HOOK1: variants seen among roughly 807,000 people sequenced by gnomAD.
The protein encoded by HOOK1 is protein Hook homolog 1.
In HOOK1, 60 loss-of-function variants were observed where a neutral mutation model predicts 112.8. The ratio of observed to expected loss-of-function variants is 0.53; its 90% confidence interval spans 0.43 to 0.66. The LOEUF is 0.66. Ranked by LOEUF, HOOK1 falls within the 30% of genes least tolerant of loss-of-function variation. The pLI is 0.00. For synonymous variants in HOOK1, 294 were observed against 283.8 expected, an observed-to-expected ratio of 1.04 and a Z score of -0.36; for missense variants, 770 against 856.0, an observed-to-expected ratio of 0.90 and a Z score of 1.25.
intron 9 of HOOK1, among the ~76,000 whole-genome samples, chr1:59,844,902 T>C (rs186724983): frequency 3.7e-4 from 56 of 152,082 alleles, no homozygotes; most frequent in African/African-American, 1.3e-3. Context: ...AACTTTGATC[T>C]TACACCTTGA....
At chr1:59,859,939 T>C (rs1007525971) in intron 14 of HOOK1, among the ~76,000 whole-genome samples, 6 of 152,120 alleles carry the variant, frequency 3.9e-5, no homozygotes, top group Admixed American at 3.9e-4. Context: ...TAATCTTATA[T>C]GGTACCTATA....
rs2098398196 is a variant in HOOK1 at position 59,837,025 on chromosome 1, T to C, written c.537+90T>C. On this transcript the variant is annotated intron_variant, in intron 7 of 21. Coordinates refer to ENST00000371208, the MANE Select transcript of HOOK1 (RefSeq NM_015888.6). ...TCATAAGGCTTACAAAGAGAGCATA[T>C]ACAATAATATTTTCTTCTGTGAAAT... The C allele has an allele frequency of 4.0e-6, 3 of 754,888 alleles. No individual in the cohort carries two copies. In the South Asian group the frequency reaches 5.9e-5, roughly 15 times the overall value. 46.8% of individuals were successfully genotyped at this position (754,888 alleles called of 1,614,324 possible). A position where few individuals can be genotyped will look rare whatever the true frequency, so the allele number is the denominator to read the frequency against.
intron 9 of HOOK1, among the ~76,000 whole-genome samples, chr1:59,845,484 A>G (rs138861910): frequency 1.1e-4 from 17 of 152,036 alleles, no homozygotes; most frequent in African/African-American, 3.9e-4. Context: ...GGATCCGTCA[A>G]GTATGATGCT....
At position 59,872,841 on chromosome 1, in the gene HOOK1, G is replaced by GC. The variant is rs1187960734; in HGVS notation, c.2064dup (p.Gly689ArgfsTer6). On this transcript the variant is annotated frameshift_variant, in exon 22 of 22. Coordinates refer to ENST00000371208, the MANE Select transcript of HOOK1 (RefSeq NM_015888.6). LOFTEE classifies it high-confidence loss of function. Reference sequence around the variant, plus strand: ...GGGATGGAATCTAGACTTGTGAGCGGCGGTGGTGCCTGCAGTGACACTGGT... The same window carrying GC: ...GGGATGGAATCTAGACTTGTGAGCGGCCGGTGGTGCCTGCAGTGACACTGGT... The GC allele has an allele frequency of 6.7e-7, 1 of 1,484,418 alleles. No individual in the cohort carries two copies. The highest frequency in any genetic ancestry group is 9.1e-7 in the Non-Finnish European group (1 of 1,104,178). The allele number at this position is 1,484,418 out of a possible 1,614,324, so 92.0% of individuals were successfully genotyped here.
intron 9 of HOOK1, among the ~76,000 whole-genome samples, chr1:59,846,773 A>G (rs2098404301): frequency 6.6e-6 from 1 of 150,978 alleles, no homozygotes; most frequent in Non-Finnish European, 1.5e-5. Flanking sequence ...CTTGTGGGTT[A>G]TTTAGGAATG....
chr1:59,848,203 ACTTTT>A (rs1427852862), intron 10 of HOOK1, 107 bp from the exon 11 acceptor site: 1 of 735,390 alleles, frequency 1.4e-6, no homozygotes, highest in Admixed American at 3.0e-5. Flanking sequence ...ACTCACATTT[ACTTTT>A]CTTTTTTCTT....
intron 2 of HOOK1, among the ~76,000 whole-genome samples, chr1:59,824,114 A>G (rs2102007972): frequency 6.6e-6 from 1 of 152,082 alleles, no homozygotes; most frequent in South Asian, 2.1e-4. Context: ...TAAAGCATAC[A>G]TTTTTCCTTA....
chr1:59,859,090 AT>A lies in HOOK1; in HGVS notation c.1391+52del, dbSNP rs768420402. On this transcript the variant is annotated intron_variant, in intron 14 of 21. Transcript: ENST00000371208. ...TGATAGAATTATATTTAATATTATA[AT>A]TTTTTTGTTTTTTGTAAATGTCTTG... The A allele has an allele frequency of 2.9e-5, 28 of 972,700 alleles. 1 individual carries two copies. In the Admixed American group the frequency reaches 5.8e-4, roughly 20 times the overall value. The allele number at this position is 972,700 out of a possible 1,614,324, so 60.3% of individuals were successfully genotyped here.
rs1420812119 is a variant in HOOK1 at position 59,843,585 on chromosome 1, G to A, written c.775G>A (p.Glu259Lys). The stretch of plus-strand genomic sequence containing the variant: ...ACAATTACAACTAGAACAATTACAG[G>A]AAGAAAACTTCAGGTAGCATTTTTA... Reference protein sequence around the residue: ...HAQLQLEQLQEENFRLEAAKD... With the variant: ...HAQLQLEQLQKENFRLEAAKD... The change falls in exon 9 of 22, where the codon GAA (glutamate) becomes AAA (lysine). Residue 259 changes from glutamate to lysine, a missense_variant. By Grantham distance (56) the Glu-to-Lys change is moderately conservative. Transcript: ENST00000371208. The A allele has an allele frequency of 6.3e-7, 1 of 1,596,086 alleles. No individual in the cohort carries two copies. Among genetic ancestry groups the A allele is most frequent in the Non-Finnish European group, 8.5e-7 (1 of 1,172,778 alleles).
intron 2 of HOOK1, among the ~76,000 whole-genome samples, chr1:59,827,043 G>A (rs914665825): frequency 6.6e-6 from 1 of 152,278 alleles, no homozygotes; most frequent in Non-Finnish European, 1.5e-5. Context: ...GGGATTACAG[G>A]CATGAGCCAT....
At chr1:59,845,838 T>A (rs1169494900) in intron 9 of HOOK1, among the ~76,000 whole-genome samples, 2 of 151,926 alleles carry the variant, frequency 1.3e-5, no homozygotes, top group African/African-American at 4.8e-5. Flanking sequence ...TCTTGTAATG[T>A]CTTGTTCAGG....
rs867001721 is a variant in HOOK1 at position 59,815,140 on chromosome 1, C to T, written c.23C>T (p.Pro8Leu). Residue 8 changes from proline to leucine, a missense_variant, in exon 1 of 22, where the codon CCG becomes CTG. Pro to Leu is a moderately conservative substitution (Grantham distance 98, BLOSUM62 -3). This residue lies in a region of HOOK1 where 655 missense variants were observed against 725.9 expected (regional missense o/e 0.90). Coordinates refer to ENST00000371208, the MANE Select transcript of HOOK1 (RefSeq NM_015888.6). MEETQPP[P>L]QPKLPLCDSL... ...GCCATGGAGGAGACGCAGCCGCCGC[C>T]GCAGCCTAAGCTGCCCCTGTGCGAC... 6.5e-7 allele frequency: 1 copy of T among 1,542,854 alleles called. No homozygotes were observed.
intron 1 of HOOK1, among the ~76,000 whole-genome samples, chr1:59,821,229 G>A (rs1396732869): frequency 6.6e-6 from 1 of 152,052 alleles, no homozygotes; most frequent in Non-Finnish European, 1.5e-5. Flanking sequence ...GTAAAAAGAG[G>A]TTATTATTCC....
intron 2 of HOOK1, among the ~76,000 whole-genome samples, chr1:59,827,983 C>T (rs78564271): frequency 0.032 from 4,865 of 152,198 alleles, 135 homozygotes; most frequent in Admixed American, 0.087. Flanking sequence ...CATTCTCCTT[C>T]GAGTATAGTT....
At chr1:59,842,675 A>G (rs934004722) in intron 8 of HOOK1, among the ~76,000 whole-genome samples, 19 of 152,162 alleles carry the variant, frequency 1.2e-4, no homozygotes, top group African/African-American at 4.1e-4. Context: ...TAGGTTAATC[A>G]ATGGTTTTTC....
chr1:59,832,214 G>A lies in HOOK1; in HGVS notation c.273+1G>A. 6.5e-7 allele frequency: 1 copy of A among 1,548,122 alleles called. No homozygotes were observed. The highest frequency in any genetic ancestry group is 1.2e-5 in the South Asian group (1 of 82,696). ...AGGAATTATGAGTTATTATCATGAG[G>A]TATGAAAACCATCTGACTTTGTTTA... is the stretch of plus-strand genomic sequence containing the variant. On this transcript the variant is annotated splice_donor_variant, in intron 4 of 21. Coordinates refer to ENST00000371208, the MANE Select transcript of HOOK1 (RefSeq NM_015888.6). LOFTEE classifies it high-confidence loss of function.
At chr1:59,872,272 C>T (rs1644066660) in intron 21 of HOOK1, among the ~76,000 whole-genome samples, 4 of 152,132 alleles carry the variant, frequency 2.6e-5, no homozygotes. Flanking sequence ...TAAATTTAAT[C>T]TATACTGGTG....
In HOOK1 at chr1:59,873,006, A is replaced by C. The variant is rs1644083010; in HGVS notation, c.*41A>C. The stretch of plus-strand genomic sequence containing the variant: ...AAACAAAACAAAAAAACCACATAAA[A>C]TAGAAGTGTCCTTAAAATATTTTGT... On this transcript the variant is annotated 3_prime_UTR_variant, in exon 22 of 22. Coordinates refer to ENST00000371208, the MANE Select transcript of HOOK1 (RefSeq NM_015888.6). 1 of 1,368,826 alleles carries C rather than the reference A, an allele frequency of 7.3e-7. No individual in the cohort carries two copies. Among genetic ancestry groups the C allele is most frequent in the African/African-American group, 1.5e-5 (1 of 67,340 alleles). The allele number at this position is 1,368,826 out of a possible 1,614,324, so 84.8% of individuals were successfully genotyped here.
At chr1:59,859,153 A>C (rs534945096) in intron 14 of HOOK1, 108 bp downstream of exon 14, 82 of 371,418 alleles carry the variant, frequency 2.2e-4, no homozygotes, top group African/African-American at 1.7e-3. Context: ...ATAGAGCTGA[A>C]AATTACTGTT....
Sources: allele counts gnomAD v4.1 joint callset (sites outside exome capture counted in the v4.1 genomes callset), GRCh38; gene constraint gnomAD v4.1.1; regional missense constraint gnomAD v4.1.1; transcripts MANE v1.5; gene names NCBI Gene and HGNC (gene_info 2026-07-23, HGNC 2026-07-21).